The following SORD variants were observed in gnomAD, a reference collection of about 807,000 sequenced individuals.
SORD encodes the protein sorbitol dehydrogenase, also known as (R,R)-butanediol dehydrogenase.
SORD carries 18 observed loss-of-function variants against 35.6 expected under a neutral mutation model. That is an observed-to-expected ratio of 0.51 (90% CI 0.35 to 0.75). The LOEUF (loss-of-function observed/expected upper bound fraction) is 0.75, where lower values mean the gene tolerates loss of function less well. Ranked by LOEUF, SORD falls within the 30% of genes least tolerant of loss-of-function variation. The pLI, the probability that SORD is intolerant of heterozygous loss-of-function variation, is 0.01. For missense variants in SORD, 250 were observed against 390.2 expected (o/e 0.64, Z 3.03); for synonymous variants, 106 against 152.9 (o/e 0.69, Z 2.26).
chr15:45,068,581 C>A (rs1489931459), intron 6 of SORD, among the ~76,000 whole-genome samples: 1 of 151,562 alleles, frequency 6.6e-6, no homozygotes. Flanking sequence ...ACATAAAATA[C>A]CCTAACACTA....
intron 3 of SORD, among the ~76,000 whole-genome samples, chr15:45,058,952 C>T (rs781526888): frequency 1.3e-5 from 2 of 152,172 alleles, no homozygotes; most frequent in South Asian, 2.1e-4. Flanking sequence ...AGCCTCCACC[C>T]CACCCCATGC....
intron 7 of SORD, chr15:45,070,874 C>T (rs142767969): frequency 7.4e-4 from 109 of 147,890 alleles, no homozygotes; most frequent in African/African-American, 1.5e-3. Flanking sequence ...CCACTGTTGA[C>T]GGTGGGGGCC....
intron 1 of SORD, among the ~76,000 whole-genome samples, chr15:45,039,310 G>C (rs1188468287): frequency 6.6e-6 from 1 of 152,120 alleles, no homozygotes; most frequent in East Asian, 1.9e-4. Context: ...TGTATTTTTG[G>C]TAGAGATGGG....
intron 3 of SORD, among the ~76,000 whole-genome samples, chr15:45,051,920 G>C (rs999154141): frequency 6.6e-6 from 1 of 152,168 alleles, no homozygotes; most frequent in Non-Finnish European, 1.5e-5. Context: ...TCTGAATTTA[G>C]TCAATATATT....
intron 3 of SORD, among the ~76,000 whole-genome samples, chr15:45,054,936 G>A (rs1226854929): frequency 6.6e-6 from 1 of 152,134 alleles, no homozygotes; most frequent in African/African-American, 2.4e-5. Flanking sequence ...TCTCAGGTTT[G>A]TCAAAGATCA....
At chr15:45,048,221 A>C (rs1036116162) in intron 3 of SORD, among the ~76,000 whole-genome samples, 4 of 152,206 alleles carry the variant, frequency 2.6e-5, no homozygotes, top group African/African-American at 9.7e-5. Flanking sequence ...AATTTTTGCC[A>C]ATAAGTAATG....
chr15:45,049,309 T>C (rs1232727759), intron 3 of SORD, among the ~76,000 whole-genome samples: 1 of 152,130 alleles, frequency 6.6e-6, no homozygotes, highest in Non-Finnish European at 1.5e-5. Context: ...TCTCTCTGGC[T>C]ACTTTCTGCT....
At chr15:45,070,238 G>C (rs552280732) in intron 7 of SORD, 15 of 152,270 alleles carry the variant, frequency 9.9e-5, no homozygotes, top group South Asian at 8.3e-4. Context: ...ATGCTAGGGT[G>C]GGGGGACAGG....
At chr15:45,029,834 T>C in intron 1 of SORD, among the ~76,000 whole-genome samples, 1 of 152,264 alleles carries the variant, frequency 6.6e-6, no homozygotes, top group East Asian at 1.9e-4. Context: ...GCAGGTCATC[T>C]TCCCAGAAGT....
chr15:45,024,858 T>A (rs1298530653), intron 1 of SORD, among the ~76,000 whole-genome samples: 1 of 152,194 alleles, frequency 6.6e-6, no homozygotes, highest in Non-Finnish European at 1.5e-5. Context: ...GCCCGAGGGC[T>A]TTGATGGAGG....
At chr15:45,033,132 C>G (rs1179505403) in intron 1 of SORD, among the ~76,000 whole-genome samples, 1 of 150,086 alleles carries the variant, frequency 6.7e-6, no homozygotes, top group Non-Finnish European at 1.5e-5. Flanking sequence ...CTTCCAAATG[C>G]CAGCCTTGTA....
At chr15:45,062,866 G>A (rs1996921) in intron 4 of SORD, among the ~76,000 whole-genome samples, 101,842 of 122,042 alleles carry the variant, frequency 0.83, 43,828 homozygotes, top group Non-Finnish European at 0.92. Flanking sequence ...TAGAAATAGT[G>A]ATGGTACCTC....
chr15:45,027,236 A>C lies in SORD; in HGVS notation c.66+3887A>C, dbSNP rs541380854. Among the ~76,000 whole-genome samples the C allele has an allele frequency of 6.6e-5, 10 of 152,388 alleles. No individual in the cohort carries two copies. In the East Asian group the frequency reaches 1.9e-3, roughly 29 times the overall value. ...CTGATGACCAAGTTGATGTATAAAG[A>C]AGCAAACAGTGTCAGCTTGCTGGGG... On this transcript the variant is annotated intron_variant, in intron 1 of 8. Transcript: ENST00000267814.
chr15:45,044,926 G>T (rs1457832591), intron 3 of SORD, among the ~76,000 whole-genome samples: 1 of 152,070 alleles, frequency 6.6e-6, no homozygotes, highest in Non-Finnish European at 1.5e-5. Context: ...TTGAACTCCT[G>T]ACCTCAAGTG....
At chr15:45,044,818 C>T (rs1893020807) in intron 3 of SORD, among the ~76,000 whole-genome samples, 1 of 151,746 alleles carries the variant, frequency 6.6e-6, no homozygotes, top group Admixed American at 6.6e-5. Context: ...GTGCCTCAGC[C>T]TCCCGAGTAG....
intron 1 of SORD, among the ~76,000 whole-genome samples, chr15:45,034,149 A>G (rs1892823609): frequency 6.6e-6 from 1 of 151,018 alleles, no homozygotes; most frequent in Admixed American, 6.6e-5. Flanking sequence ...TTCTTTTGTA[A>G]TAAGAGTGAA....
intron 1 of SORD, among the ~76,000 whole-genome samples, chr15:45,027,044 G>C (rs77702836): frequency 6.6e-6 from 1 of 152,136 alleles, no homozygotes; most frequent in Admixed American, 6.5e-5. Flanking sequence ...ACCACAGCAA[G>C]GAGGAGCATT....
chr15:45,031,183 T>C (rs1427895509), intron 1 of SORD, among the ~76,000 whole-genome samples: 1 of 152,192 alleles, frequency 6.6e-6, no homozygotes, highest in East Asian at 1.9e-4. Flanking sequence ...CCGGGTGTGA[T>C]AGCACACTCC....
intron 1 of SORD, among the ~76,000 whole-genome samples, chr15:45,028,348 ATT>A (rs1892714081): frequency 5.3e-5 from 8 of 152,258 alleles, no homozygotes; most frequent in Admixed American, 3.3e-4. Flanking sequence ...AAACAAAAAA[ATT>A]ATATAAACAT....
Sources: allele counts gnomAD v4.1 joint callset (sites outside exome capture counted in the v4.1 genomes callset), GRCh38; gene constraint gnomAD v4.1.1; transcripts MANE v1.5; gene names NCBI Gene and HGNC (gene_info 2026-07-23, HGNC 2026-07-21).